Variants in OR7E24 observed in about 807,000 individuals in gnomAD.
OR7E24 encodes the protein olfactory receptor 7E24.
For missense variants in OR7E24, 385 were observed against 410.3 expected (o/e 0.94, Z 0.53); for synonymous variants, 130 against 157.5 (o/e 0.83, Z 1.31).
At chr19:9,242,562 C>A (rs549862741), upstream of OR7E24, among the ~76,000 whole-genome samples, 1 of 152,262 alleles carries the variant, frequency 6.6e-6, no homozygotes, top group South Asian at 2.1e-4. Context: ...GAAAACATTT[C>A]TTTGACATGT....
the OR7E24 span, among the ~76,000 whole-genome samples, chr19:9,221,593 C>T: frequency 0.42 from 64,248 of 151,436 alleles, 17,719 homozygotes; most frequent in African/African-American, 0.79. Context: ...CCCCGTGATC[C>T]GCTCTCCTCT....
upstream of OR7E24, among the ~76,000 whole-genome samples, chr19:9,246,009 T>A (rs537781337): frequency 2.6e-4 from 39 of 151,378 alleles, 1 homozygote; most frequent in South Asian, 5.8e-3. Context: ...ATATATATTT[T>A]TTTTTCGCTT....
At chr19:9,209,597 A>G in the OR7E24 span, 1 of 152,142 alleles carries the variant, frequency 6.6e-6, no homozygotes, top group Non-Finnish European at 1.5e-5. Flanking sequence ...GTATTCTCAG[A>G]ATATACAAGT....
At chr19:9,211,276 C>G in the OR7E24 span, 1 of 152,272 alleles carries the variant, frequency 6.6e-6, no homozygotes, top group Non-Finnish European at 1.5e-5. Context: ...CCTCTCCAGT[C>G]AGTCCACGAG....
At chr19:9,231,966 C>T in the OR7E24 span, among the ~76,000 whole-genome samples, 1 of 152,096 alleles carries the variant, frequency 6.6e-6, no homozygotes, top group African/African-American at 2.4e-5. Flanking sequence ...TGAACACCTA[C>T]TAATGATACA....
At chr19:9,242,571 G>A (rs1302050085), upstream of OR7E24, among the ~76,000 whole-genome samples, 2 of 152,146 alleles carry the variant, frequency 1.3e-5, no homozygotes, top group African/African-American at 4.8e-5. Context: ...TCTTTGACAT[G>A]TCTTTTCTCA....
the OR7E24 span, among the ~76,000 whole-genome samples, chr19:9,236,434 C>T: frequency 6.6e-6 from 1 of 151,904 alleles, no homozygotes; most frequent in Admixed American, 6.6e-5. Flanking sequence ...CGCTTGAACC[C>T]AGGAGGCGGA....
chr19:9,233,942 C>T, the OR7E24 span, among the ~76,000 whole-genome samples: 8 of 146,934 alleles, frequency 5.4e-5, no homozygotes, highest in East Asian at 1.6e-3. Context: ...CTCACTCTGT[C>T]ACCCAGGCTG....
At chr19:9,214,861 A>T in the OR7E24 span, 1 of 1,465,830 alleles carries the variant, frequency 6.8e-7, no homozygotes, top group Admixed American at 1.9e-5. Flanking sequence ...CTGCTGGGGA[A>T]GGAGGAAAAA....
At chr19:9,225,321 G>A in the OR7E24 span, among the ~76,000 whole-genome samples, 1 of 151,262 alleles carries the variant, frequency 6.6e-6, no homozygotes, top group Non-Finnish European at 1.5e-5. Flanking sequence ...AGTGAGCCAA[G>A]ATCACACCAC....
the OR7E24 span, chr19:9,235,364 T>C: frequency 6.8e-7 from 1 of 1,460,116 alleles, no homozygotes; most frequent in Non-Finnish European, 9.6e-7. Context: ...ACCTGTTTCA[T>C]CTGCACCACA....
the OR7E24 span, among the ~76,000 whole-genome samples, chr19:9,217,024 G>A: frequency 7.2e-5 from 11 of 152,298 alleles, no homozygotes; most frequent in East Asian, 7.7e-4. Flanking sequence ...GGTCTGTTAC[G>A]TCTTGTGACC....
chr19:9,213,894 A>C, the OR7E24 span: 1 of 1,609,782 alleles, frequency 6.2e-7, no homozygotes, highest in South Asian at 1.1e-5. Flanking sequence ...TGAGGCCCTG[A>C]TTTGTCATGG....
At chr19:9,244,643 T>C (rs1422673653), upstream of OR7E24, among the ~76,000 whole-genome samples, 1 of 152,228 alleles carries the variant, frequency 6.6e-6, no homozygotes, top group Non-Finnish European at 1.5e-5. Flanking sequence ...GATTTGGTAA[T>C]GATTTGATCA....
At chr19:9,240,805 G>A in the OR7E24 span, among the ~76,000 whole-genome samples, 1 of 151,850 alleles carries the variant, frequency 6.6e-6, no homozygotes, top group African/African-American at 2.4e-5. Context: ...TTATATTTAA[G>A]CTATTGACTT....
chr19:9,239,337 T>C, the OR7E24 span, among the ~76,000 whole-genome samples: 288 of 151,806 alleles, frequency 1.9e-3, 5 homozygotes, highest in Admixed American at 0.018. Context: ...GCCTGGCAAA[T>C]ATTTTTTGTA....
At chr19:9,236,896 T>G in the OR7E24 span, among the ~76,000 whole-genome samples, 1 of 152,192 alleles carries the variant, frequency 6.6e-6, no homozygotes, top group South Asian at 2.1e-4. Context: ...ATATCAAAAC[T>G]CTGCTTACTA....
the OR7E24 span, among the ~76,000 whole-genome samples, chr19:9,230,704 CATT>C: frequency 1.2e-3 from 176 of 152,256 alleles, no homozygotes; most frequent in African/African-American, 4.0e-3. Context: ...AATTCTATAT[CATT>C]GTTGTTGTCA....
At chr19:9,217,098 AG>A in the OR7E24 span, among the ~76,000 whole-genome samples, 1 of 152,194 alleles carries the variant, frequency 6.6e-6, no homozygotes, top group Non-Finnish European at 1.5e-5. Flanking sequence ...ATGTCTGCCC[AG>A]TGTATTCCTC....
Sources: allele counts gnomAD v4.1 joint callset (sites outside exome capture counted in the v4.1 genomes callset), GRCh38; gene constraint gnomAD v4.1.1; transcripts MANE v1.5; gene names NCBI Gene and HGNC (gene_info 2026-07-23, HGNC 2026-07-21).